The following TMTC2 variants were observed in gnomAD, a reference collection of about 807,000 sequenced individuals.
TMTC2 encodes the protein protein O-mannosyl-transferase TMTC2.
TMTC2 carries 43 observed loss-of-function variants against 82.4 expected under a neutral mutation model. The ratio of observed to expected loss-of-function variants is 0.52; its 90% CI spans 0.41 to 0.67. The LOEUF (loss-of-function observed/expected upper bound fraction) is 0.67. TMTC2 is among the 30% of genes least tolerant of loss of function. The probability of loss-of-function intolerance (pLI) is 0.00; values close to 1 mark genes in which losing one functional copy is unlikely to be tolerated. For missense variants in TMTC2, 919 were observed against 1,012.4 expected, an observed-to-expected ratio of 0.91 and a Z score of 1.25; for synonymous variants, 408 against 381.9, an observed-to-expected ratio of 1.07 and a Z score of -0.80.
At chr12:82,948,166 G>A (rs1043095295) in intron 4 of TMTC2, among the ~76,000 whole-genome samples, 1 of 152,162 alleles carries the variant, frequency 6.6e-6, no homozygotes, top group Non-Finnish European at 1.5e-5. Flanking sequence ...AGAAGTTCAA[G>A]ACCAGCCTGG....
At chr12:82,937,786 A>ATACATATATATATATATATATATATATG (rs1565818420) in intron 4 of TMTC2, among the ~76,000 whole-genome samples, 128 of 22,612 alleles carry the variant, frequency 5.7e-3, no homozygotes, top group Middle Eastern at 0.026. Flanking sequence ...ATATATATAT[A>ATACATATATATATATATATATATATATG]TATATATATA....
chr12:82,741,478 G>T (rs570069882), intron 1 of TMTC2, among the ~76,000 whole-genome samples: 74 of 152,110 alleles, frequency 4.9e-4, no homozygotes, highest in Admixed American at 1.5e-3. Context: ...GCCTGGCTAA[G>T]TTTTGTATTT....
At chr12:82,999,741 C>T (rs1053849602) in intron 8 of TMTC2, among the ~76,000 whole-genome samples, 1 of 152,194 alleles carries the variant, frequency 6.6e-6, no homozygotes, top group African/African-American at 2.4e-5. Context: ...CAGCATGATT[C>T]AGTTATCTCT....
chr12:83,004,722 AT>A (rs528076999), intron 8 of TMTC2, among the ~76,000 whole-genome samples: 9 of 35,996 alleles, frequency 2.5e-4, no homozygotes, highest in Admixed American at 4.5e-4. Context: ...TACTGGCCGA[AT>A]TTTTTTTTTT....
chr12:83,016,010 C>T (rs1443643329), intron 8 of TMTC2, among the ~76,000 whole-genome samples: 1 of 152,164 alleles, frequency 6.6e-6, no homozygotes, highest in Non-Finnish European at 1.5e-5. Context: ...CTAAACATTG[C>T]TGTTTTCTAT....
chr12:82,893,066 G>A (rs951867144), intron 2 of TMTC2, among the ~76,000 whole-genome samples: 6 of 151,834 alleles, frequency 4.0e-5, no homozygotes, highest in Non-Finnish European at 5.9e-5. Flanking sequence ...GAAGTATTTC[G>A]GCAGTTTAAA....
chr12:82,817,353 A>G (rs764872895), intron 1 of TMTC2, among the ~76,000 whole-genome samples: 14 of 151,898 alleles, frequency 9.2e-5, no homozygotes, highest in East Asian at 3.9e-4. Context: ...GATTTTTTCT[A>G]CCTTTTCCTA....
chr12:82,692,880 A>C (rs1356149053), intron 1 of TMTC2, among the ~76,000 whole-genome samples: 2 of 152,200 alleles, frequency 1.3e-5, no homozygotes, highest in African/African-American at 2.4e-5. Context: ...TTGGGTGAAA[A>C]AGGCATAATA....
At chr12:82,882,553 G>T (rs1872887000) in intron 2 of TMTC2, among the ~76,000 whole-genome samples, 1 of 152,028 alleles carries the variant, frequency 6.6e-6, no homozygotes, top group Non-Finnish European at 1.5e-5. Context: ...TGACCCTCTT[G>T]CTTGCTTAGT....
chr12:82,856,995 C>T lies in TMTC2; in HGVS notation c.84-15C>T, dbSNP rs781257452. 1.9e-6 allele frequency: 3 copies of T among 1,576,324 alleles called. No homozygotes were observed. The East Asian group carries it at 6.7e-5, about 35-fold the overall frequency. On this transcript the variant is annotated splice_polypyrimidine_tract_variant and intron_variant, in intron 1 of 11. Transcript: ENST00000321196. ...GTGTTTTACATTTGATTTTTTTTAA[C>T]GTTTTGTTTTTTAGCCGTGCTATCA...
chr12:82,862,978 G>C (rs543033998), intron 2 of TMTC2, among the ~76,000 whole-genome samples: 1 of 152,290 alleles, frequency 6.6e-6, no homozygotes, highest in South Asian at 2.1e-4. Context: ...ACTATTTTGT[G>C]TGGCTTTCTC....
chr12:82,999,760 C>G (rs1879833196), intron 8 of TMTC2, among the ~76,000 whole-genome samples: 1 of 152,112 alleles, frequency 6.6e-6, no homozygotes, highest in South Asian at 2.1e-4. Context: ...CTCACCAGGT[C>G]CCTTCCACAA....
At chr12:82,746,736 G>T (rs1423254866) in intron 1 of TMTC2, among the ~76,000 whole-genome samples, 4 of 152,206 alleles carry the variant, frequency 2.6e-5, no homozygotes, top group African/African-American at 9.6e-5. Flanking sequence ...AAACCATTCA[G>T]AGAGTTTTCT....
chr12:82,870,102 C>A (rs1307841237), intron 2 of TMTC2, among the ~76,000 whole-genome samples: 1 of 152,068 alleles, frequency 6.6e-6, no homozygotes, highest in Admixed American at 6.6e-5. Flanking sequence ...CACTCAAATT[C>A]ATCATTAATT....
intron 1 of TMTC2, among the ~76,000 whole-genome samples, chr12:82,769,656 G>T (rs767479932): frequency 6.6e-6 from 1 of 152,128 alleles, no homozygotes; most frequent in Non-Finnish European, 1.5e-5. Context: ...TGTCGCCCAG[G>T]CTGGAGTGCA....
chr12:82,864,605 G>A (rs1424642566), intron 2 of TMTC2, among the ~76,000 whole-genome samples: 1 of 148,184 alleles, frequency 6.7e-6, no homozygotes, highest in African/African-American at 2.5e-5. Context: ...GGGTTCCAGC[G>A]ATTCACCTAC....
intron 2 of TMTC2, among the ~76,000 whole-genome samples, chr12:82,884,605 C>T (rs1380893081): frequency 6.6e-6 from 1 of 152,122 alleles, no homozygotes; most frequent in South Asian, 2.1e-4. Context: ...ACTGTAGTAA[C>T]AACCATTTAA....
chr12:83,106,835 C>CA (rs1158273571), intron 11 of TMTC2, among the ~76,000 whole-genome samples: 1 of 152,118 alleles, frequency 6.6e-6, no homozygotes, highest in Non-Finnish European at 1.5e-5. Context: ...TTTAGATAAT[C>CA]AAAAACTGAA....
At chr12:82,781,627 A>G (rs1877913208) in intron 1 of TMTC2, among the ~76,000 whole-genome samples, 1 of 150,986 alleles carries the variant, frequency 6.6e-6, no homozygotes, top group African/African-American at 2.4e-5. Flanking sequence ...CTAATTACGT[A>G]TCATGCTACA....
Sources: allele counts gnomAD v4.1 joint callset (sites outside exome capture counted in the v4.1 genomes callset), GRCh38; gene constraint gnomAD v4.1.1; transcripts MANE v1.5; gene names NCBI Gene and HGNC (gene_info 2026-07-23, HGNC 2026-07-21).